YPEL2: variants seen among roughly 807,000 people sequenced by gnomAD.
YPEL2 encodes the protein yippee like 2.
In YPEL2, 2 loss-of-function variants were observed where a neutral mutation model predicts 19.1. The observed-to-expected ratio is 0.10, with a 90% CI of 0.04 to 0.33. The LOEUF is 0.33. Among genes scored for constraint, YPEL2 ranks in the 10% least tolerant of loss-of-function variants. The probability of loss-of-function intolerance (pLI) is 1.00; values close to 1 mark genes in which losing one functional copy is unlikely to be tolerated. For synonymous variants in YPEL2, 52 were observed against 50.0 expected (o/e 1.04, Z -0.17); for missense variants, 66 against 140.7 (o/e 0.47, Z 2.68).
chr17:59,341,639 C>A (rs1284824877), intron 1 of YPEL2, among the ~76,000 whole-genome samples: 1 of 151,800 alleles, frequency 6.6e-6, no homozygotes, highest in African/African-American at 2.4e-5. Flanking sequence ...GCGTGGGCAA[C>A]AAGTGCGAAA....
intron 1 of YPEL2, among the ~76,000 whole-genome samples, chr17:59,342,493 T>C (rs930428012): frequency 1.3e-5 from 2 of 152,164 alleles, no homozygotes; most frequent in African/African-American, 2.4e-5. Context: ...TCCAAGACCT[T>C]CTTTTCTTCC....
intron 2 of YPEL2, among the ~76,000 whole-genome samples, chr17:59,387,261 A>AG (rs1753636980): frequency 2.0e-5 from 3 of 150,614 alleles, no homozygotes; most frequent in Non-Finnish European, 4.4e-5. Context: ...TCCATCTAAA[A>AG]AAAAAAAAAA....
chr17:59,372,140 A>C (rs1027860458), intron 2 of YPEL2, among the ~76,000 whole-genome samples: 5 of 152,218 alleles, frequency 3.3e-5, no homozygotes, highest in Admixed American at 2.0e-4. Flanking sequence ...CTCTGTGTAT[A>C]AGTTGGTCTT....
chr17:59,351,953 C>T (rs1225630170), intron 1 of YPEL2, among the ~76,000 whole-genome samples: 1 of 152,150 alleles, frequency 6.6e-6, no homozygotes, highest in Admixed American at 6.5e-5. Flanking sequence ...ATGGCGGCCT[C>T]AGTGACTGTT....
intron 2 of YPEL2, among the ~76,000 whole-genome samples, chr17:59,365,892 C>T (rs1380460507): frequency 6.6e-6 from 1 of 152,132 alleles, no homozygotes; most frequent in Non-Finnish European, 1.5e-5. Flanking sequence ...CCATAAACTC[C>T]CTCCCCTCCA....
At position 59,397,262 on chromosome 17, in the gene YPEL2, G is replaced by A; in HGVS notation, c.*72G>A. On this transcript the variant is annotated 3_prime_UTR_variant, in exon 5 of 5. Transcript: ENST00000312655. ...CCGAACATTCTTCCCAAGCGTGAGA[G>A]AGTGACTGACACTTGGTTCCATCCA... The A allele has an allele frequency of 8.0e-7, 1 of 1,245,536 alleles. No homozygotes were observed. Among genetic ancestry groups the A allele is most frequent in the Non-Finnish European group, 1.1e-6 (1 of 899,036 alleles). 77.2% of individuals were successfully genotyped at this position (1,245,536 alleles called of 1,614,324 possible). A position where few individuals can be genotyped will look rare whatever the true frequency, so the allele number is the denominator to read the frequency against.
chr17:59,355,144 ACTTTATCAATGTTAACTTAAC>A (rs528920618), intron 2 of YPEL2: 2 of 152,306 alleles, frequency 1.3e-5, no homozygotes, highest in East Asian at 3.9e-4. Context: ...GCAACTTGAC[ACTTTATCAATGTTAACTTAAC>A]CTTCATATGA....
intron 4 of YPEL2, among the ~76,000 whole-genome samples, chr17:59,389,935 A>C (rs2047999319): frequency 1.3e-5 from 2 of 152,186 alleles, no homozygotes; most frequent in African/African-American, 4.8e-5. Context: ...TTCTCAAAGG[A>C]CGTGACCATG....
intron 3 of YPEL2, 75 bp downstream of exon 3, chr17:59,388,445 A>C: frequency 6.9e-7 from 1 of 1,451,190 alleles, no homozygotes; most frequent in Non-Finnish European, 9.7e-7. Context: ...CTTGGTGATA[A>C]TTAAACAATG....
In YPEL2 at chr17:59,353,919, T is replaced by A; in HGVS notation, c.117+393T>A. On this transcript the variant is annotated intron_variant, in intron 2 of 4. Transcript: ENST00000312655. The surrounding 1 kb of genome is among the most constrained non-coding windows in gnomAD (Gnocchi z 4.8). Reference sequence around the variant, plus strand: ...GGGAATGTCTTGTAAGAGGGGTTCCTTAGCAAGATGAGAGAGCCACCAGGA... The same window carrying A: ...GGGAATGTCTTGTAAGAGGGGTTCCATAGCAAGATGAGAGAGCCACCAGGA... The A allele has an allele frequency of 3.3e-6, 1 of 299,514 alleles. No homozygotes were observed. The highest frequency in any genetic ancestry group is 4.9e-5 in the Admixed American group (1 of 20,372). 18.6% of individuals were successfully genotyped at this position (299,514 alleles called of 1,614,324 possible). A position where few individuals can be genotyped will look rare whatever the true frequency, so the allele number is the denominator to read the frequency against.
At position 59,335,672 on chromosome 17, in the gene YPEL2, C is replaced by G. The variant is rs1008762100; in HGVS notation, c.-196+3848C>G. 7.9e-5 allele frequency among the ~76,000 whole-genome samples: 12 copies of G among 152,004 alleles called. 1 individual carries two copies. The South Asian group carries it at 1.7e-3, about 21-fold the overall frequency. On this transcript the variant is annotated intron_variant, in intron 1 of 4. Coordinates refer to ENST00000312655, the MANE Select transcript of YPEL2 (RefSeq NM_001005404.4). ...CAAGTGATTCTCCTGCCTCAGCCTC[C>G]CAAGTAGCTGGGATTACAGGCGCAC...
intron 1 of YPEL2, among the ~76,000 whole-genome samples, chr17:59,338,215 C>T (rs750614347): frequency 2.0e-5 from 3 of 152,080 alleles, no homozygotes; most frequent in East Asian, 1.9e-4. Context: ...GTCTGGAGTT[C>T]CTTTGTCTGT....
intron 4 of YPEL2, among the ~76,000 whole-genome samples, chr17:59,394,913 C>T (rs1336388236): frequency 1.3e-5 from 2 of 152,246 alleles, no homozygotes; most frequent in Non-Finnish European, 2.9e-5. Flanking sequence ...ACAGCGAAAC[C>T]CCGTCTCCAC....
At chr17:59,371,034 C>A (rs897966115) in intron 2 of YPEL2, among the ~76,000 whole-genome samples, 2 of 152,140 alleles carry the variant, frequency 1.3e-5, no homozygotes, top group African/African-American at 4.8e-5. Flanking sequence ...TTCCAGCCCC[C>A]AGCCGAGGGA....
intron 1 of YPEL2, among the ~76,000 whole-genome samples, chr17:59,347,479 GTGA>G (rs1302478022): frequency 6.6e-6 from 1 of 152,154 alleles, no homozygotes; most frequent in African/African-American, 2.4e-5. Context: ...AACTTTAAGA[GTGA>G]TGACGTGGTC....
chr17:59,348,610 C>T (rs112461134), intron 1 of YPEL2, among the ~76,000 whole-genome samples: 192 of 152,310 alleles, frequency 1.3e-3, no homozygotes, highest in African/African-American at 4.4e-3. Context: ...CTGTGCTGCT[C>T]AGTGAAAGCT....
chr17:59,389,511 T>C (rs1399467721), intron 4 of YPEL2, 43 bp downstream of exon 4: 1 of 1,498,110 alleles, frequency 6.7e-7, no homozygotes, highest in Admixed American at 1.7e-5. Context: ...TGGAAGGGAA[T>C]TGCCAAGAGC....
intron 1 of YPEL2, among the ~76,000 whole-genome samples, chr17:59,344,924 C>G (rs2047748666): frequency 6.6e-6 from 1 of 152,146 alleles, no homozygotes; most frequent in African/African-American, 2.4e-5. Flanking sequence ...GCACCAGGGA[C>G]CGGTTTTGTG....
At position 59,353,438 on chromosome 17, in the gene YPEL2, T is replaced by C. The variant is rs1437834182; in HGVS notation, c.29T>C (p.Phe10Ser). MVKMTRSKT[F>S]QAYLPSCHRT... ...GTGAAGATGACAAGATCGAAGACTT[T>C]CCAGGCATATCTGCCCTCCTGCCAC... The change falls in exon 2 of 5, where the codon TTC becomes TCC. Residue 10 changes from phenylalanine (F) to serine (S), a missense_variant. Coordinates refer to ENST00000312655, the MANE Select transcript of YPEL2 (RefSeq NM_001005404.4). This position sits in a 1 kb window ranked among gnomAD's most constrained non-coding sequence, Gnocchi z 4.8. The C allele has an allele frequency of 6.2e-7, 1 of 1,606,308 alleles. No homozygotes were observed.
Sources: allele counts gnomAD v4.1 joint callset (sites outside exome capture counted in the v4.1 genomes callset), GRCh38; gene constraint gnomAD v4.1.1; non-coding constraint Gnocchi (gnomAD v3.1); transcripts MANE v1.5; gene names NCBI Gene and HGNC (gene_info 2026-07-23, HGNC 2026-07-21).